The following INTS1 variants were observed in gnomAD, a reference collection of about 807,000 sequenced individuals.
INTS1 encodes integrator complex subunit 1.
In INTS1, 137 loss-of-function variants were observed where a neutral mutation model predicts 241.6. The ratio of observed to expected loss-of-function variants is 0.57; its 90% CI spans 0.49 to 0.65. The LOEUF (loss-of-function observed/expected upper bound fraction) is 0.65. INTS1 is among the 30% of genes least tolerant of loss of function. The pLI, the probability that INTS1 is intolerant of heterozygous loss-of-function variation, is 0.00. For synonymous variants in INTS1, 1,692 were observed against 1,337.8 expected (o/e 1.26, Z -5.78); for missense variants, 3,073 against 3,032.2 (o/e 1.01, Z -0.32).
At chr7:1,488,693 G>A (rs1440232114) in intron 18 of INTS1, among the ~76,000 whole-genome samples, 2 of 152,114 alleles carry the variant, frequency 1.3e-5, no homozygotes, top group African/African-American at 2.4e-5. Context: ...CCACAGCCTC[G>A]GGCGCCCCTT....
intron 44 of INTS1, among the ~76,000 whole-genome samples, chr7:1,471,980 G>A (rs1431291229): frequency 6.6e-6 from 1 of 152,092 alleles, no homozygotes; most frequent in Non-Finnish European, 1.5e-5. Context: ...CCCACCCGCT[G>A]GTCTTGCCCA....
At chr7:1,490,890 G>A (rs902047727) in intron 16 of INTS1, among the ~76,000 whole-genome samples, 2 of 152,214 alleles carry the variant, frequency 1.3e-5, no homozygotes, top group African/African-American at 2.4e-5. Context: ...GAGCTGAGTC[G>A]AGAGGTCAAC....
At chr7:1,479,283 C>T in intron 31 of INTS1, 147 bp downstream of exon 31, 2 of 1,004,640 alleles carry the variant, frequency 2.0e-6, no homozygotes, top group Non-Finnish European at 2.8e-6. Context: ...AGGGGACCTG[C>T]CGCCACTCCC....
chr7:1,499,527 T>TG lies in INTS1; in HGVS notation c.789dup (p.Arg264GlnfsTer98), dbSNP rs765089897. 1.5e-5 allele frequency: 24 copies of TG among 1,612,552 alleles called. No homozygotes were observed. The highest frequency in any genetic ancestry group is 1.8e-5 in the Non-Finnish European group (21 of 1,179,446). On this transcript the variant is annotated frameshift_variant, in exon 6 of 48. Transcript: ENST00000404767. LOFTEE classifies it high-confidence loss of function. ...GCCTCCCCCTGCAGCAGCACGCTCCTGGGGGGCATTCTGGTGTTGAAGGCC... is the reference window on the plus strand; with the variant it reads ...GCCTCCCCCTGCAGCAGCACGCTCCTGGGGGGGCATTCTGGTGTTGAAGGCC...
chr7:1,482,432 C>A, intron 27 of INTS1, 114 bp downstream of exon 27: 1 of 1,046,078 alleles, frequency 9.6e-7, no homozygotes. Flanking sequence ...TGAGGCTACC[C>A]GGCCAGTCTT....
At position 1,479,703 on chromosome 7, in the gene INTS1, G is replaced by T. The variant is rs747871129; in HGVS notation, c.4075-19C>A. 1.4e-6 allele frequency: 2 copies of T among 1,454,410 alleles called. No homozygotes were observed. The allele number at this position is 1,454,410 out of a possible 1,614,324, so 90.1% of individuals were successfully genotyped here. On this transcript the variant is annotated intron_variant, in intron 30 of 47. Transcript: ENST00000404767. ...GGAAAATCTGGAACGGGGAAGGCCA[G>T]TGTCAGGAGGAAGCGGAGGAGAAGG...
chr7:1,471,016 C>G, intron 46 of INTS1, 61 bp from the exon 47 acceptor site: 1 of 1,518,846 alleles, frequency 6.6e-7, no homozygotes. Context: ...GACCCCCACC[C>G]GACAGGGCGA....
At chr7:1,483,392 C>T in intron 26 of INTS1, 1 of 391,602 alleles carries the variant, frequency 2.6e-6, no homozygotes, top group Non-Finnish European at 4.9e-6. Flanking sequence ...CATGTCGCAC[C>T]TCCACACGGT....
At chr7:1,473,236 G>T in intron 42 of INTS1, 52 bp from the exon 43 acceptor site, 2 of 1,356,754 alleles carry the variant, frequency 1.5e-6, no homozygotes, top group South Asian at 1.2e-5. Flanking sequence ...CAGGAGGAAG[G>T]CTGGGTCAGG....
At position 1,479,691 on chromosome 7, in the gene INTS1, C is replaced by A; in HGVS notation, c.4075-7G>T. ...CCGGGCTGAGCGGGAAAATCTGGAA[C>A]GGGGAAGGCCAGTGTCAGGAGGAAG... On this transcript the variant is annotated splice_region_variant and splice_polypyrimidine_tract_variant and intron_variant, in intron 30 of 47. Coordinates refer to ENST00000404767, the MANE Select transcript of INTS1 (RefSeq NM_001080453.3). The A allele has an allele frequency of 2.1e-6, 3 of 1,457,282 alleles. 1 individual carries two copies. The South Asian group carries it at 4.3e-5, about 21-fold the overall frequency. The allele number at this position is 1,457,282 out of a possible 1,614,324, so 90.3% of individuals were successfully genotyped here.
At position 1,478,416 on chromosome 7, in the gene INTS1, G is replaced by A. The variant is rs754863123; in HGVS notation, c.4580C>T (p.Thr1527Ile). ...GCTGCACTGCTCCCCAGACCTCAGG[G>A]TGGCGATGACGGCACGGACGGTGGA... Reference protein sequence around the residue: ...VSSTVRAVIATLRSGEQCSVE... With the variant: ...VSSTVRAVIAILRSGEQCSVE... Residue 1527 changes from threonine (T) to isoleucine (I), a missense_variant, in exon 33 of 48, where the codon ACC becomes ATC. By Grantham distance (89) the Thr-to-Ile change is moderately conservative (BLOSUM62 -1). Transcript: ENST00000404767. 6.2e-7 allele frequency: 1 copy of A among 1,612,758 alleles called. No individual in the cohort carries two copies. Among genetic ancestry groups the A allele is most frequent in the East Asian group, 2.2e-5 (1 of 44,872 alleles).
At chr7:1,473,731 C>T (rs1781583189) in intron 41 of INTS1, 38 bp from the exon 42 acceptor site, 1 of 1,610,524 alleles carries the variant, frequency 6.2e-7, no homozygotes, top group African/African-American at 1.3e-5. Context: ...CTGCTCTGCC[C>T]CGCAGGGCCA....
At chr7:1,483,950 C>A (rs1411200026) in intron 25 of INTS1, 53 bp downstream of exon 25, 1 of 1,589,638 alleles carries the variant, frequency 6.3e-7, no homozygotes, top group Non-Finnish European at 8.6e-7. Flanking sequence ...TGCAGCCTCA[C>A]CCAGCCGTAG....
intron 16 of INTS1, among the ~76,000 whole-genome samples, chr7:1,492,760 G>C (rs1011597773): frequency 2.0e-5 from 3 of 152,222 alleles, no homozygotes; most frequent in African/African-American, 7.2e-5. Flanking sequence ...AGCCAGTCAA[G>C]GCCCGTAGTG....
chr7:1,475,865 G>A, intron 39 of INTS1, 83 bp downstream of exon 39: 2 of 1,477,916 alleles, frequency 1.4e-6, no homozygotes, highest in East Asian at 2.5e-5. Flanking sequence ...CGATGGCCAT[G>A]TACACTGTGG....
chr7:1,496,043 G>A (rs555277292), intron 12 of INTS1, 113 bp downstream of exon 12: 32 of 752,586 alleles, frequency 4.3e-5, no homozygotes, highest in Middle Eastern at 2.6e-4. Flanking sequence ...GCCGTGCTGC[G>A]GGACCGCTCC....
intron 17 of INTS1, 54 bp from the exon 18 acceptor site, chr7:1,489,458 TGAC>T: frequency 8.0e-6 from 12 of 1,500,956 alleles, no homozygotes; most frequent in Non-Finnish European, 1.1e-5. Context: ...ACCAGGCGTG[TGAC>T]CCCCGCTTCT....
In INTS1 at chr7:1,503,142, G is replaced by C. The variant is rs1377890399; in HGVS notation, c.108C>G (p.Ala36=). ...DFIALGSKGQ[A]NESKTASTLL... is the part of the protein sequence containing the mutation. ...GGGTGGACGCCGTTTTCGATTCATTGGCCTGACCCTTTGAGCCCAGAGCAA... is the reference window on the plus strand; with the variant it reads ...GGGTGGACGCCGTTTTCGATTCATTCGCCTGACCCTTTGAGCCCAGAGCAA... The change falls in exon 3 of 48, where the codon GCC becomes GCG. Residue 36 remains alanine, a synonymous_variant. Coordinates refer to ENST00000404767, the MANE Select transcript of INTS1 (RefSeq NM_001080453.3). 6.3e-7 allele frequency: 1 copy of C among 1,585,096 alleles called. No individual in the cohort carries two copies. The highest frequency in any genetic ancestry group is 8.6e-7 in the Non-Finnish European group (1 of 1,162,404).
In INTS1 at chr7:1,477,828, A is replaced by G; in HGVS notation, c.4739T>C (p.Val1580Ala). The change falls in exon 34 of 48, where the codon GTT (valine) becomes GCT (alanine). Residue 1580 changes from valine (V) to alanine (A), a missense_variant. By Grantham distance (64) the Val-to-Ala change is moderately conservative. Transcript: ENST00000404767. Reference sequence around the variant, plus strand: ...CAGCAGCAGGGAGCTCACCACCACAACGGGCTTACAGGCTGGAAACGGGGA... The same window carrying G: ...CAGCAGCAGGGAGCTCACCACCACAGCGGGCTTACAGGCTGGAAACGGGGA... ...AASPFPACKP[V>A]VVVSSLLLQE... The G allele has an allele frequency of 6.2e-7, 1 of 1,612,542 alleles. No individual in the cohort carries two copies. The highest frequency in any genetic ancestry group is 8.5e-7 in the Non-Finnish European group (1 of 1,179,812).
Sources: gnomAD v4.1 joint callset for allele counts (sites outside exome capture counted in the v4.1 genomes callset) on GRCh38, gnomAD v4.1.1 for gene constraint, MANE v1.5 for transcripts, NCBI Gene and HGNC (gene_info 2026-07-23, HGNC 2026-07-21) for gene names.